The following VGLL3 variants were observed in gnomAD, a reference collection of about 807,000 sequenced individuals.
The protein encoded by VGLL3 is transcription cofactor vestigial-like protein 3.
Under a neutral mutation model 29.2 loss-of-function variants are expected in VGLL3, and 18 were observed. The observed-to-expected ratio is 0.62, with a 90% CI of 0.43 to 0.91. The LOEUF is 0.91. VGLL3 is among the 40% of genes least tolerant of loss of function. The pLI, the probability that VGLL3 is intolerant of heterozygous loss-of-function variation, is 0.00. For missense variants in VGLL3, 440 were observed against 413.2 expected (o/e 1.06, Z -0.56); for synonymous variants, 180 against 151.8 (o/e 1.19, Z -1.36).
In VGLL3 at chr3:86,980,031, G is replaced by A. The variant is rs184413337; in HGVS notation, c.127-1229C>T. 4.0e-3 allele frequency among the ~76,000 whole-genome samples: 612 copies of A among 151,870 alleles called. 4 individuals carry two copies. The highest frequency in any genetic ancestry group is 0.014 in the African/African-American group (564 of 41,436). Reference sequence around the variant, plus strand: ...CAACTTCAATGCGAATTACATATAAGGAGATAATGCTAAAGATATGAAATG... The same window carrying A: ...CAACTTCAATGCGAATTACATATAAAGAGATAATGCTAAAGATATGAAATG... On this transcript the variant is annotated intron_variant, in intron 1 of 3. Transcript: ENST00000398399.
intron 1 of VGLL3, 155 bp downstream of exon 1, chr3:86,990,463 G>A: frequency 2.1e-6 from 2 of 973,576 alleles, no homozygotes; most frequent in African/African-American, 3.5e-5. Context: ...TCCCTTCCCG[G>A]CTCTCTCGGG....
At position 86,946,982 on chromosome 3, in the gene VGLL3, C is replaced by G; in HGVS notation, c.*42G>C. ...CGACAGTATCTTTTCCCAGTGGGCC[C>G]TTGGATTTATGCTGCAACTTAACTC... is the stretch of plus-strand genomic sequence containing the variant. On this transcript the variant is annotated 3_prime_UTR_variant, in exon 4 of 4. Transcript: ENST00000398399. The G allele has an allele frequency of 1.3e-6, 1 of 776,448 alleles. No homozygotes were observed. Among genetic ancestry groups the G allele is most frequent in the Non-Finnish European group, 2.4e-6 (1 of 415,904 alleles). 48.1% of individuals were successfully genotyped at this position (776,448 alleles called of 1,614,324 possible).
intron 3 of VGLL3, among the ~76,000 whole-genome samples, chr3:86,955,485 G>A (rs1345921007): frequency 6.6e-6 from 1 of 151,554 alleles, no homozygotes; most frequent in Non-Finnish European, 1.5e-5. Context: ...TGCCTCCTGG[G>A]TTCAAGCGAT....
rs899038497 is a variant in VGLL3, at chr3:86,942,821, G to C, written c.*4203C>G. 6.6e-6 allele frequency: 1 copy of C among 152,158 alleles called. No homozygotes were observed. The highest frequency in any genetic ancestry group is 2.4e-5 in the African/African-American group (1 of 41,450). 9.4% of individuals were successfully genotyped at this position (152,158 alleles called of 1,614,324 possible). A position where few individuals can be genotyped will look rare whatever the true frequency, so the allele number is the denominator to read the frequency against. On this transcript the variant is annotated 3_prime_UTR_variant, in exon 4 of 4. Coordinates refer to ENST00000398399, the MANE Select transcript of VGLL3 (RefSeq NM_016206.4). ...TTAGTAGGAGAAAAAGATTCTCTTTGCAGTAATTTCTTACAGAAAAACAAT... is the reference window on the plus strand; with the variant it reads ...TTAGTAGGAGAAAAAGATTCTCTTTCCAGTAATTTCTTACAGAAAAACAAT...
intron 3 of VGLL3, among the ~76,000 whole-genome samples, chr3:86,955,177 T>G (rs946903068): frequency 6.6e-6 from 1 of 152,096 alleles, no homozygotes; most frequent in African/African-American, 2.4e-5. Flanking sequence ...GAGTATGACT[T>G]ATAACATTTA....
rs182687270 is a variant in VGLL3, at chr3:86,939,917, A to T, written c.*7107T>A. 1 of 152,310 alleles carries T rather than the reference A, an allele frequency of 6.6e-6. No homozygotes were observed. The highest frequency in any genetic ancestry group is 1.5e-5 in the Non-Finnish European group (1 of 68,036). The allele number at this position is 152,310 out of a possible 1,614,324, so 9.4% of individuals were successfully genotyped here. A position where few individuals can be genotyped will look rare whatever the true frequency, so the allele number is the denominator to read the frequency against. Reference sequence around the variant, plus strand: ...CATTCTGTAGCCCACCAAGACTAAGATCTTTGCTGAATGTCTGACTGACAG... The same window carrying T: ...CATTCTGTAGCCCACCAAGACTAAGTTCTTTGCTGAATGTCTGACTGACAG... On this transcript the variant is annotated 3_prime_UTR_variant, in exon 4 of 4. Coordinates refer to ENST00000398399, the MANE Select transcript of VGLL3 (RefSeq NM_016206.4).
At chr3:86,962,046 T>C (rs1156958735) in intron 3 of VGLL3, 2 of 985,166 alleles carry the variant, frequency 2.0e-6, no homozygotes, top group Non-Finnish European at 1.2e-6. Flanking sequence ...AATTAAGCCC[T>C]TATTATCACA....
chr3:86,945,461 TA>T lies in VGLL3; in HGVS notation c.*1562del, dbSNP rs1255772682. 2.0e-5 allele frequency: 3 copies of T among 152,140 alleles called. No homozygotes were observed. The highest frequency in any genetic ancestry group is 4.4e-5 in the Non-Finnish European group (3 of 68,004). The allele number at this position is 152,140 out of a possible 1,614,324, so 9.4% of individuals were successfully genotyped here. A position where few individuals can be genotyped will look rare whatever the true frequency, so the allele number is the denominator to read the frequency against. ...ATTTGAAAAAACCTCTTTATAAAGC[TA>T]AAAAACTTCTCTAATACACTAACTT... On this transcript the variant is annotated 3_prime_UTR_variant, in exon 4 of 4. Transcript: ENST00000398399.
chr3:86,979,120 T>C (rs1396918619), intron 1 of VGLL3, among the ~76,000 whole-genome samples: 1 of 152,222 alleles, frequency 6.6e-6, no homozygotes, highest in Non-Finnish European at 1.5e-5. Context: ...TTCATCTAGC[T>C]AGGCCAACAG....
chr3:86,976,026 A>G (rs1197347982), intron 2 of VGLL3, among the ~76,000 whole-genome samples: 1 of 152,194 alleles, frequency 6.6e-6, no homozygotes, highest in African/African-American at 2.4e-5. Flanking sequence ...AGGCAGGAGA[A>G]TCGCTGGAAC....
intron 1 of VGLL3, among the ~76,000 whole-genome samples, chr3:86,982,096 A>T (rs976802674): frequency 2.6e-5 from 4 of 152,064 alleles, no homozygotes; most frequent in African/African-American, 9.7e-5. Context: ...TGCCTCAACT[A>T]CTTTCTAATG....
At chr3:86,960,932 G>GATATATATATATATAT (rs57744873) in intron 3 of VGLL3, among the ~76,000 whole-genome samples, 3 of 137,936 alleles carry the variant, frequency 2.2e-5, no homozygotes, top group Non-Finnish European at 4.6e-5. Flanking sequence ...AAGTAATTGT[G>GATATATATATATATAT]ATATATATAT....
Position 86,990,906 on chromosome 3 carries a change from C to A in VGLL3, c.-163G>T. The A allele has an allele frequency of 9.0e-7, 1 of 1,116,360 alleles. No homozygotes were observed. The highest frequency in any genetic ancestry group is 1.1e-6 in the Non-Finnish European group (1 of 909,516). The allele number at this position is 1,116,360 out of a possible 1,614,324, so 69.2% of individuals were successfully genotyped here. A position where few individuals can be genotyped will look rare whatever the true frequency, so the allele number is the denominator to read the frequency against. The stretch of plus-strand genomic sequence containing the variant: ...GCGGCCTCGGGCTCCGCGCGGGGCG[C>A]GGGGTCGGGAGGGACTGGCAATCAG... On this transcript the variant is annotated 5_prime_UTR_variant, in exon 1 of 4. Coordinates refer to ENST00000398399, the MANE Select transcript of VGLL3 (RefSeq NM_016206.4).
chr3:86,986,706 T>G (rs185125292), intron 1 of VGLL3, among the ~76,000 whole-genome samples: 142 of 152,328 alleles, frequency 9.3e-4, no homozygotes, highest in Middle Eastern at 3.4e-3. Context: ...GAATCTAAAC[T>G]TATGTTGGAA....
At chr3:86,981,919 A>T (rs1705333706) in intron 1 of VGLL3, among the ~76,000 whole-genome samples, 1 of 152,190 alleles carries the variant, frequency 6.6e-6, no homozygotes, top group African/African-American at 2.4e-5. Flanking sequence ...AGAATCTCAA[A>T]GTATCCAAAT....
At chr3:86,966,828 A>T (rs1422702379) in intron 3 of VGLL3, among the ~76,000 whole-genome samples, 1 of 103,060 alleles carries the variant, frequency 9.7e-6, no homozygotes, top group Non-Finnish European at 1.9e-5. Flanking sequence ...TATATATAGT[A>T]CCCCAGGTAA....
At position 86,938,338 on chromosome 3, in the gene VGLL3, T is replaced by G. The variant is rs1704319626; in HGVS notation, c.*8686A>C. 6.6e-6 allele frequency: 1 copy of G among 152,516 alleles called. No individual in the cohort carries two copies. The highest frequency in any genetic ancestry group is 2.1e-4 in the South Asian group (1 of 4,828). The allele number at this position is 152,516 out of a possible 1,614,324, so 9.4% of individuals were successfully genotyped here. A position where few individuals can be genotyped will look rare whatever the true frequency, so the allele number is the denominator to read the frequency against. ...GCCATTTTCTTTTGGAAACATAAAA[T>G]ACCACAAAACCATACATAGCTCATT... On this transcript the variant is annotated 3_prime_UTR_variant, in exon 4 of 4. Transcript: ENST00000398399.
Position 86,968,684 on chromosome 3 carries a change from C to A in VGLL3, c.843G>T (p.Lys281Asn). ...CAGAGGTGACTGTAGTTGGTTCTGT[C>A]TTTGTGATGTCACACTGGGGAGCAG... ...RIPAPQCDIT[K>N]TEPTTVTSAT... Residue 281 changes from lysine (K) to asparagine (N), a missense_variant, in exon 3 of 4, where the codon AAG (lysine) becomes AAT (asparagine). Physicochemically the swap from Lys to Asn is moderately conservative, Grantham distance 94 (BLOSUM62 0). Coordinates refer to ENST00000398399, the MANE Select transcript of VGLL3 (RefSeq NM_016206.4). The A allele has an allele frequency of 6.2e-7, 1 of 1,614,182 alleles. No individual in the cohort carries two copies. The highest frequency in any genetic ancestry group is 8.5e-7 in the Non-Finnish European group (1 of 1,180,038).
At chr3:86,949,872 G>T (rs1704582839) in intron 3 of VGLL3, among the ~76,000 whole-genome samples, 1 of 151,736 alleles carries the variant, frequency 6.6e-6, no homozygotes, top group African/African-American at 2.4e-5. Flanking sequence ...GAAAAGCAGG[G>T]CTACAATTTT....
Sources: allele counts gnomAD v4.1 joint callset (sites outside exome capture counted in the v4.1 genomes callset), GRCh38; gene constraint gnomAD v4.1.1; transcripts MANE v1.5; gene names NCBI Gene and HGNC (gene_info 2026-07-23, HGNC 2026-07-21).